DUSP7: variants seen among roughly 807,000 people sequenced by gnomAD.
DUSP7 encodes the protein dual specificity protein phosphatase 7.
A neutral mutation model predicts 29.8 loss-of-function variants in DUSP7; 7 were observed. That is an observed-to-expected ratio of 0.24 (90% CI 0.13 to 0.44). The LOEUF is 0.44. Ranked by LOEUF, DUSP7 falls within the 20% of genes least tolerant of loss-of-function variation. DUSP7 has a pLI of 1.00. For synonymous variants in DUSP7, 287 were observed against 275.4 expected (o/e 1.04, Z -0.42); for missense variants, 400 against 583.7 (o/e 0.69, Z 3.24).
rs1701901309 is a variant in DUSP7, at chr3:52,056,378, G to A, written c.-12C>T. 4 of 1,084,484 alleles carry A rather than the reference G, an allele frequency of 3.7e-6. No homozygotes were observed. The highest frequency in any genetic ancestry group is 4.5e-6 in the Non-Finnish European group (4 of 895,778). 67.2% of individuals were successfully genotyped at this position (1,084,484 alleles called of 1,614,324 possible). On this transcript the variant is annotated 5_prime_UTR_variant, in exon 1 of 3. Coordinates refer to ENST00000495880, the MANE Select transcript of DUSP7 (RefSeq NM_001947.4). This position sits in a 1 kb window ranked among gnomAD's most constrained non-coding sequence, Gnocchi z 6.4. ...AGCTGGTTTTTCATGGGGAGCGCGG[G>A]CGGCCCGGGGCCGGGGCCGGGCAGC...
Position 52,051,389 on chromosome 3 carries a change from A to G in DUSP7, c.953-267T>C, listed in dbSNP as rs1055711635. The stretch of plus-strand genomic sequence containing the variant: ...CCTCATCTATAAAATGGGCCTATTT[A>G]TGCACAGTGGTCTCATAAGGACCTG... On this transcript the variant is annotated intron_variant, in intron 2 of 2. Transcript: ENST00000495880. The surrounding 1 kb of genome is among the most constrained non-coding windows in gnomAD (Gnocchi z 4.8). Among the ~76,000 whole-genome samples, 1 of 152,192 alleles carries G rather than the reference A, an allele frequency of 6.6e-6. No homozygotes were observed. The highest frequency in any genetic ancestry group is 6.5e-5 in the Admixed American group (1 of 15,286).
rs770323529 is a variant in DUSP7 at position 52,053,910 on chromosome 3, A to G, written c.952+30T>C. ...GTCCTGCATACACCTTGATGCACCCACACCCCCCTGCCCAGCACACAGCAC... is the reference window on the plus strand; with the variant it reads ...GTCCTGCATACACCTTGATGCACCCGCACCCCCCTGCCCAGCACACAGCAC... On this transcript the variant is annotated intron_variant, in intron 2 of 2. Transcript: ENST00000495880. This position sits in a 1 kb window ranked among gnomAD's most constrained non-coding sequence, Gnocchi z 4.6. 6.2e-7 allele frequency: 1 copy of G among 1,613,398 alleles called. No homozygotes were observed. The highest frequency in any genetic ancestry group is 1.3e-5 in the African/African-American group (1 of 74,842).
rs541808196 is a variant in DUSP7, at chr3:52,056,515, T to TCCCGCCCGCCCGCCCG, written c.-165_-150dup. ...CGGCCTCCCGGCCTCCCGGCCTCCG[T>TCCCGCCCGCCCGCCCG]CCCGCCCGCCCGCCCGGCCCTCCGC... On this transcript the variant is annotated 5_prime_UTR_variant, in exon 1 of 3. Transcript: ENST00000495880. The surrounding 1 kb of genome is among the most constrained non-coding windows in gnomAD (Gnocchi z 6.4). 11 of 230,100 alleles carry TCCCGCCCGCCCGCCCG rather than the reference T, an allele frequency of 4.8e-5. No homozygotes were observed. Among genetic ancestry groups the TCCCGCCCGCCCGCCCG allele is most frequent in the Admixed American group, 3.4e-4 (5 of 14,818 alleles). 14.3% of individuals were successfully genotyped at this position (230,100 alleles called of 1,614,324 possible). A position where few individuals can be genotyped will look rare whatever the true frequency, so the allele number is the denominator to read the frequency against.
chr3:52,055,903 C>G lies in DUSP7; in HGVS notation c.464G>C (p.Gly155Ala), dbSNP rs1701896052. Residue 155 changes from glycine to alanine, a missense_variant, in exon 1 of 3, where the codon GGC becomes GCC. By Grantham distance (60) the Gly-to-Ala change is moderately conservative (BLOSUM62 0). Coordinates refer to ENST00000495880, the MANE Select transcript of DUSP7 (RefSeq NM_001947.4). ...PEPGAPASVL[G>A]LLLQKLRDDG... ...GTCGCGCAGCTTCTGTAGGAGCAGG[C>G]CGAGCACGGAGGCGGGAGCGCCGGG... 6.4e-7 allele frequency: 1 copy of G among 1,573,248 alleles called. No individual in the cohort carries two copies. The highest frequency in any genetic ancestry group is 1.1e-5 in the South Asian group (1 of 87,064).
intron 1 of DUSP7, among the ~76,000 whole-genome samples, chr3:52,055,376 T>C (rs1701891661): frequency 1.3e-5 from 2 of 152,028 alleles, no homozygotes. Context: ...GAAGAAGCAA[T>C]TCCCGGATCC....
chr3:52,056,257 G>A lies in DUSP7; in HGVS notation c.110C>T (p.Ser37Phe). ...AGSEPGAGSG[S>F]GAGTGAGAAT... is the part of the protein sequence containing the mutation. ...CGCGCCCGCCCCGGTGCCTGCGCCG[G>A]ACCCCGACCCCGCACCGGGCTCGGA... Residue 37 changes from serine to phenylalanine, a missense_variant, in exon 1 of 3, where the codon TCC becomes TTC. Ser to Phe is a radical substitution (Grantham distance 155, BLOSUM62 -2). Around this residue, in one of 4 missense-constraint regions of DUSP7, gnomAD observed 96 missense variants for 97.1 expected, o/e 0.99. Transcript: ENST00000495880. The surrounding 1 kb of genome is among the most constrained non-coding windows in gnomAD (Gnocchi z 6.4). 1 of 1,340,622 alleles carries A rather than the reference G, an allele frequency of 7.5e-7. No homozygotes were observed. The highest frequency in any genetic ancestry group is 9.5e-7 in the Non-Finnish European group (1 of 1,052,664). 83.0% of individuals were successfully genotyped at this position (1,340,622 alleles called of 1,614,324 possible).
intron 1 of DUSP7, among the ~76,000 whole-genome samples, 193 bp downstream of exon 1, chr3:52,055,657 G>A (rs1249887368): frequency 1.3e-5 from 2 of 152,252 alleles, no homozygotes; most frequent in Non-Finnish European, 2.9e-5. Context: ...CGAGAAAGGG[G>A]GCGCAGAGGG....
Position 52,053,830 on chromosome 3 carries a change from C to T in DUSP7, c.952+110G>A. On this transcript the variant is annotated intron_variant, in intron 2 of 2. Transcript: ENST00000495880. This position sits in a 1 kb window ranked among gnomAD's most constrained non-coding sequence, Gnocchi z 4.6. ...GGCACACGCTGGCACACGTAGGGCA[C>T]ACACAGGTCTCAACAGGCCCAGAGG... The T allele has an allele frequency of 8.1e-7, 1 of 1,242,054 alleles. No individual in the cohort carries two copies. The allele number at this position is 1,242,054 out of a possible 1,614,324, so 76.9% of individuals were successfully genotyped here.
chr3:52,050,454 A>G lies in DUSP7; in HGVS notation c.*361T>C, dbSNP rs1481828358. 4 of 193,948 alleles carry G rather than the reference A, an allele frequency of 2.1e-5. No individual in the cohort carries two copies. Among genetic ancestry groups the G allele is most frequent in the Non-Finnish European group, 4.2e-5 (4 of 95,190 alleles). The allele number at this position is 193,948 out of a possible 1,614,324, so 12.0% of individuals were successfully genotyped here. A position where few individuals can be genotyped will look rare whatever the true frequency, so the allele number is the denominator to read the frequency against. On this transcript the variant is annotated 3_prime_UTR_variant, in exon 3 of 3. Transcript: ENST00000495880. The surrounding 1 kb of genome is among the most constrained non-coding windows in gnomAD (Gnocchi z 5.0). ...ACTCTTTGTGCTCCAGGGAGCTTGGATTTACCTGCCAAAAGTAAAAAGTAA... is the reference window on the plus strand; with the variant it reads ...ACTCTTTGTGCTCCAGGGAGCTTGGGTTTACCTGCCAAAAGTAAAAAGTAA...
rs533205404 is a variant in DUSP7, at chr3:52,054,692, C to T, written c.518-318G>A. On this transcript the variant is annotated intron_variant, in intron 1 of 2. Transcript: ENST00000495880. The surrounding 1 kb of genome is among the most constrained non-coding windows in gnomAD (Gnocchi z 4.1). ...ACTTGAGGACAGGCCCCAGCTAATT[C>T]CTCTTCTGCAGCTCCCACGCACACC... is the stretch of plus-strand genomic sequence containing the variant. Among the ~76,000 whole-genome samples the T allele has an allele frequency of 1.3e-5, 2 of 152,348 alleles. No individual in the cohort carries two copies. Among genetic ancestry groups the T allele is most frequent in the South Asian group, 4.1e-4 (2 of 4,828 alleles).
rs200120854 is a variant in DUSP7 at position 52,054,024 on chromosome 3, C to T, written c.868G>A (p.Glu290Lys). 9 of 1,614,078 alleles carry T rather than the reference C, an allele frequency of 5.6e-6. No individual in the cohort carries two copies. The highest frequency in any genetic ancestry group is 4.5e-5 in the East Asian group (2 of 44,892). The change falls in exon 2 of 3, where the codon GAG (glutamate) becomes AAG (lysine). Residue 290 changes from glutamate (E) to lysine (K), a missense_variant. Transcript: ENST00000495880. This position sits in a 1 kb window ranked among gnomAD's most constrained non-coding sequence, Gnocchi z 4.1. ...ATGGGGATCTGCTTGTAGGTGAACT[C>T]GCCGCCGTGCTCGAAGGCGTTGGGT... ...NLPNAFEHGGEFTYKQIPISD... is the reference protein window; with the variant it reads ...NLPNAFEHGGKFTYKQIPISD...
chr3:52,055,943 C>G lies in DUSP7; in HGVS notation c.424G>C (p.Glu142Gln). Residue 142 changes from glutamate to glutamine, a missense_variant, in exon 1 of 3, where the codon GAG (glutamate) becomes CAG (glutamine). By Grantham distance (29) the Glu-to-Gln change is conservative. This residue lies in a region of DUSP7 where 223 missense variants were observed against 360.9 expected (regional missense o/e 0.62). Transcript: ENST00000495880. ...TVLLYDEATA[E>Q]WQPEPGAPAS... ...GGAGCGCCGGGCTCGGGCTGCCACTCGGCCGTGGCCTCGTCGTAGAGCAGC... is the reference window on the plus strand; with the variant it reads ...GGAGCGCCGGGCTCGGGCTGCCACTGGGCCGTGGCCTCGTCGTAGAGCAGC... 1 of 1,566,226 alleles carries G rather than the reference C, an allele frequency of 6.4e-7. No homozygotes were observed. Among genetic ancestry groups the G allele is most frequent in the Non-Finnish European group, 8.6e-7 (1 of 1,157,252 alleles).
chr3:52,056,301 A>AGCCGCC lies in DUSP7; in HGVS notation c.60_65dup (p.Ala21_Ala22dup). 3.3e-6 allele frequency: 4 copies of AGCCGCC among 1,198,254 alleles called. No individual in the cohort carries two copies. The highest frequency in any genetic ancestry group is 4.1e-6 in the Non-Finnish European group (4 of 968,984). The allele number at this position is 1,198,254 out of a possible 1,614,324, so 74.2% of individuals were successfully genotyped here. ...GCTCGGACCCCGCCCGGGTGCCCCC[A>AGCCGCC]GCCGCCGCCGCCCCCGAAGTCGACA... On this transcript the variant is annotated inframe_insertion, in exon 1 of 3. Transcript: ENST00000495880. This position sits in a 1 kb window ranked among gnomAD's most constrained non-coding sequence, Gnocchi z 6.4.
intron 1 of DUSP7, 47 bp downstream of exon 1, chr3:52,055,803 T>A: frequency 6.8e-7 from 1 of 1,473,624 alleles, no homozygotes; most frequent in South Asian, 1.4e-5. Context: ...CGTCAGGGAG[T>A]CGCGGGGGGG....
Position 52,053,759 on chromosome 3 carries a change from G to A in DUSP7, c.952+181C>T. The A allele has an allele frequency of 1.5e-6, 1 of 657,794 alleles. No homozygotes were observed. The highest frequency in any genetic ancestry group is 2.6e-6 in the Non-Finnish European group (1 of 384,220). 40.7% of individuals were successfully genotyped at this position (657,794 alleles called of 1,614,324 possible). A position where few individuals can be genotyped will look rare whatever the true frequency, so the allele number is the denominator to read the frequency against. Reference sequence around the variant, plus strand: ...CTGCTCAGGCCCCAACAGGTAGAGGGGCCCAAGGGACTCGGTGACTCACAG... The same window carrying A: ...CTGCTCAGGCCCCAACAGGTAGAGGAGCCCAAGGGACTCGGTGACTCACAG... On this transcript the variant is annotated intron_variant, in intron 2 of 2. Coordinates refer to ENST00000495880, the MANE Select transcript of DUSP7 (RefSeq NM_001947.4). The surrounding 1 kb of genome is among the most constrained non-coding windows in gnomAD (Gnocchi z 4.6).
In DUSP7 at chr3:52,051,141, G is replaced by C; in HGVS notation, c.953-19C>G. 1 of 1,586,674 alleles carries C rather than the reference G, an allele frequency of 6.3e-7. No individual in the cohort carries two copies. The highest frequency in any genetic ancestry group is 8.6e-7 in the Non-Finnish European group (1 of 1,167,626). On this transcript the variant is annotated intron_variant, in intron 2 of 2. Transcript: ENST00000495880. This position sits in a 1 kb window ranked among gnomAD's most constrained non-coding sequence, Gnocchi z 4.8. Reference sequence around the variant, plus strand: ...GCTTCGTCTGAAACACATTGGCATGGGTCAGGGAGGTGCCTCCTTCAAGGA... The same window carrying C: ...GCTTCGTCTGAAACACATTGGCATGCGTCAGGGAGGTGCCTCCTTCAAGGA...
In DUSP7 at chr3:52,053,550, C is replaced by T. The variant is rs926140631; in HGVS notation, c.952+390G>A. ...AAGCCCAAAGAGGCACTATGACAACCCCATCCTGGAGAGACACGTGTGCTG... is the reference window on the plus strand; with the variant it reads ...AAGCCCAAAGAGGCACTATGACAACTCCATCCTGGAGAGACACGTGTGCTG... On this transcript the variant is annotated intron_variant, in intron 2 of 2. Coordinates refer to ENST00000495880, the MANE Select transcript of DUSP7 (RefSeq NM_001947.4). This position sits in a 1 kb window ranked among gnomAD's most constrained non-coding sequence, Gnocchi z 4.6. The T allele has an allele frequency of 8.4e-5, 21 of 248,742 alleles. No homozygotes were observed. Among genetic ancestry groups the T allele is most frequent in the Non-Finnish European group, 1.5e-4 (19 of 126,324 alleles). 15.4% of individuals were successfully genotyped at this position (248,742 alleles called of 1,614,324 possible). A position where few individuals can be genotyped will look rare whatever the true frequency, so the allele number is the denominator to read the frequency against.
In DUSP7 at chr3:52,050,749, C is replaced by G; in HGVS notation, c.*66G>C. 1 of 1,516,826 alleles carries G rather than the reference C, an allele frequency of 6.6e-7. No individual in the cohort carries two copies. The highest frequency in any genetic ancestry group is 8.9e-7 in the Non-Finnish European group (1 of 1,126,250). The allele number at this position is 1,516,826 out of a possible 1,614,324, so 94.0% of individuals were successfully genotyped here. A position where few individuals can be genotyped will look rare whatever the true frequency, so the allele number is the denominator to read the frequency against. On this transcript the variant is annotated 3_prime_UTR_variant, in exon 3 of 3. Coordinates refer to ENST00000495880, the MANE Select transcript of DUSP7 (RefSeq NM_001947.4). The surrounding 1 kb of genome is among the most constrained non-coding windows in gnomAD (Gnocchi z 5.0). ...TCAGGCCAGAGGTGGCGGGCTTGGG[C>G]TCTCCCACCTAGCCCTGTGGAGAGC... is the stretch of plus-strand genomic sequence containing the variant.
chr3:52,054,399 T>TGGGTGAGAGGC lies in DUSP7; in HGVS notation c.518-36_518-26dup. ...CCTGTGTCCAGGGTGAGACAGGGCC[T>TGGGTGAGAGGC]GGGTGAGAGGCTGGTGAGAGCCCAG... is the stretch of plus-strand genomic sequence containing the variant. On this transcript the variant is annotated intron_variant, in intron 1 of 2. Coordinates refer to ENST00000495880, the MANE Select transcript of DUSP7 (RefSeq NM_001947.4). This position sits in a 1 kb window ranked among gnomAD's most constrained non-coding sequence, Gnocchi z 4.1. 1 of 1,515,676 alleles carries TGGGTGAGAGGC rather than the reference T, an allele frequency of 6.6e-7. No homozygotes were observed. The highest frequency in any genetic ancestry group is 8.8e-7 in the Non-Finnish European group (1 of 1,132,574). 93.9% of individuals were successfully genotyped at this position (1,515,676 alleles called of 1,614,324 possible).
Sources: gnomAD v4.1 joint callset for allele counts (sites outside exome capture counted in the v4.1 genomes callset) on GRCh38, gnomAD v4.1.1 for gene constraint, gnomAD v4.1.1 regional missense constraint, Gnocchi (gnomAD v3.1) non-coding constraint, MANE v1.5 for transcripts, NCBI Gene and HGNC (gene_info 2026-07-23, HGNC 2026-07-21) for gene names.